SCG5: variants seen among roughly 807,000 people sequenced by gnomAD.
The protein encoded by SCG5 is secretogranin V, also known as neuroendocrine protein 7B2.
In SCG5, 18 loss-of-function variants were observed where a neutral mutation model predicts 25.7. The ratio of observed to expected loss-of-function variants is 0.70; its 90% CI spans 0.48 to 1.04. The LOEUF (loss-of-function observed/expected upper bound fraction) is 1.04. Ranked by LOEUF, SCG5 falls within the 50% of genes least tolerant of loss-of-function variation. The pLI is 0.00. For synonymous variants in SCG5, 101 were observed against 91.7 expected (o/e 1.10, Z -0.58); for missense variants, 206 against 259.8 (o/e 0.79, Z 1.42).
chr15:32,659,063 C>A (rs1285758895), intron 2 of SCG5, among the ~76,000 whole-genome samples: 1 of 152,104 alleles, frequency 6.6e-6, no homozygotes, highest in African/African-American at 2.4e-5. Context: ...GTAGTCCCAG[C>A]TACTCGGGAG....
intron 2 of SCG5, among the ~76,000 whole-genome samples, chr15:32,668,605 C>T (rs1381581421): frequency 2.0e-5 from 3 of 152,250 alleles, no homozygotes; most frequent in Admixed American, 6.5e-5. Flanking sequence ...TCATCCCATC[C>T]AGAATGGGTC....
intron 2 of SCG5, among the ~76,000 whole-genome samples, chr15:32,651,307 A>G (rs755663952): frequency 6.6e-5 from 10 of 152,260 alleles, no homozygotes; most frequent in Admixed American, 3.3e-4. Flanking sequence ...AATAAATATC[A>G]AGTGGAGAAA....
At chr15:32,646,366 C>A (rs1051926629) in intron 2 of SCG5, among the ~76,000 whole-genome samples, 1 of 152,172 alleles carries the variant, frequency 6.6e-6, no homozygotes, top group African/African-American at 2.4e-5. Flanking sequence ...GGCAGAATTC[C>A]ATTTGAATTA....
intron 2 of SCG5, among the ~76,000 whole-genome samples, chr15:32,661,817 A>G (rs1018936460): frequency 2.0e-5 from 3 of 152,156 alleles, no homozygotes; most frequent in African/African-American, 7.2e-5. Context: ...TCTTATGAAG[A>G]TAATAAAAGC....
chr15:32,687,826 A>G (rs1325163740), intron 4 of SCG5, among the ~76,000 whole-genome samples: 2 of 152,310 alleles, frequency 1.3e-5, no homozygotes, highest in East Asian at 3.9e-4. Context: ...ACGACACATC[A>G]TATGCCTTCC....
chr15:32,692,432 A>T (rs571357683), intron 5 of SCG5: 1 of 208,372 alleles, frequency 4.8e-6, no homozygotes, highest in South Asian at 1.7e-4. Context: ...CCTCACGTAA[A>T]ACTCAATGTC....
rs540554211 is a variant in SCG5 at position 32,646,116 on chromosome 15, A to G, written c.226+2298A>G. 6.6e-5 allele frequency among the ~76,000 whole-genome samples: 10 copies of G among 152,358 alleles called. No homozygotes were observed. The East Asian group carries it at 1.9e-3, about 29-fold the overall frequency. On this transcript the variant is annotated intron_variant, in intron 2 of 5. Coordinates refer to ENST00000300175, the MANE Select transcript of SCG5 (RefSeq NM_001144757.3). ...AGGCGTGAGCCACCACACCCGGCCT[A>G]ACATAGCAATCTTAAGTCTCCCCTA...
At chr15:32,672,334 A>G (rs1186388216) in intron 2 of SCG5, among the ~76,000 whole-genome samples, 1 of 152,244 alleles carries the variant, frequency 6.6e-6, no homozygotes, top group African/African-American at 2.4e-5. Context: ...CCAGGGCTGC[A>G]GGCAGCGTGA....
At chr15:32,691,540 T>C (rs1183835986) in intron 4 of SCG5, among the ~76,000 whole-genome samples, 170 bp from the exon 5 acceptor site, 1 of 152,252 alleles carries the variant, frequency 6.6e-6, no homozygotes, top group Admixed American at 6.5e-5. Flanking sequence ...CCACCAGCTT[T>C]ACTCTTGTGG....
intron 5 of SCG5, among the ~76,000 whole-genome samples, chr15:32,692,860 C>T (rs2054883885): frequency 6.6e-6 from 1 of 152,102 alleles, no homozygotes; most frequent in African/African-American, 2.4e-5. Flanking sequence ...GTTCCAAGCC[C>T]CTGTACTGCC....
At chr15:32,655,264 T>C (rs1376710252) in intron 2 of SCG5, among the ~76,000 whole-genome samples, 1 of 151,238 alleles carries the variant, frequency 6.6e-6, no homozygotes, top group Non-Finnish European at 1.5e-5. Context: ...GCCGAGATCG[T>C]GCCACTGCAC....
intron 2 of SCG5, among the ~76,000 whole-genome samples, chr15:32,657,199 G>GTATATATATACATATATA (rs2054132056): frequency 3.0e-4 from 2 of 6,674 alleles, no homozygotes; most frequent in African/African-American, 1.0e-3. Context: ...TCATCCTCCT[G>GTATATATATACATATATA]TATATATATA....
chr15:32,646,153 G>A (rs1039150471), intron 2 of SCG5, among the ~76,000 whole-genome samples: 1 of 152,184 alleles, frequency 6.6e-6, no homozygotes. Context: ...CAGTATCTGT[G>A]GAAGGGATGA....
At chr15:32,669,612 C>T (rs780024223) in intron 2 of SCG5, among the ~76,000 whole-genome samples, 7 of 152,164 alleles carry the variant, frequency 4.6e-5, no homozygotes, top group African/African-American at 1.7e-4. Flanking sequence ...GACTTCATTT[C>T]AGACGGCAAA....
chr15:32,665,757 C>T (rs1477030245), intron 2 of SCG5: 3 of 152,162 alleles, frequency 2.0e-5, no homozygotes, highest in African/African-American at 7.2e-5. Flanking sequence ...GTATCTCCTT[C>T]TAGTGCAGGA....
intron 2 of SCG5, among the ~76,000 whole-genome samples, chr15:32,662,825 G>A (rs190795132): frequency 7.1e-6 from 1 of 140,646 alleles, no homozygotes; most frequent in African/African-American, 2.5e-5. Flanking sequence ...CCATCTGCCC[G>A]GGACGATTTG....
intron 2 of SCG5, among the ~76,000 whole-genome samples, chr15:32,648,422 T>A (rs1440275496): frequency 6.6e-6 from 1 of 152,132 alleles, no homozygotes; most frequent in Admixed American, 6.5e-5. Context: ...TAAACTTTTT[T>A]CAGGAGTTAA....
intron 2 of SCG5, among the ~76,000 whole-genome samples, chr15:32,672,594 C>T (rs1002875289): frequency 6.6e-6 from 1 of 151,170 alleles, no homozygotes; most frequent in Non-Finnish European, 1.5e-5. Flanking sequence ...CTATGAGAGA[C>T]CCCAGGTACC....
intron 1 of SCG5, among the ~76,000 whole-genome samples, chr15:32,642,568 CAAAAAAAAAAAAAAAAA>C (rs11338067): frequency 2.0e-5 from 1 of 49,730 alleles, no homozygotes; most frequent in South Asian, 1.2e-3. Flanking sequence ...AACTCCGTCT[CAAAAAAAAAAAAAAAAA>C]AAAAAAAAAA....
Sources: gnomAD v4.1 joint callset for allele counts (sites outside exome capture counted in the v4.1 genomes callset) on GRCh38, gnomAD v4.1.1 for gene constraint, MANE v1.5 for transcripts, NCBI Gene and HGNC (gene_info 2026-07-23, HGNC 2026-07-21) for gene names.